Variants in KCNJ15 observed in about 807,000 individuals in gnomAD.
KCNJ15 encodes the protein ATP-sensitive inward rectifier potassium channel 15.
KCNJ15 carries 14 observed loss-of-function variants against 23.0 expected under a neutral mutation model. The ratio of observed to expected loss-of-function variants is 0.61; its 90% CI spans 0.40 to 0.95. KCNJ15 has a LOEUF of 0.95. Among genes scored for constraint, KCNJ15 ranks in the 40% least tolerant of loss-of-function variants. The pLI is 0.00. For synonymous variants in KCNJ15, 185 were observed against 183.2 expected (o/e 1.01, Z -0.08); for missense variants, 388 against 461.8 (o/e 0.84, Z 1.46).
At chr21:38,235,278 G>A (rs1232837463) in intron 1 of KCNJ15, among the ~76,000 whole-genome samples, 1 of 151,850 alleles carries the variant, frequency 6.6e-6, no homozygotes, top group South Asian at 2.1e-4. Context: ...CTGGGACTGG[G>A]CATGGTGGCT....
intron 1 of KCNJ15, among the ~76,000 whole-genome samples, chr21:38,273,212 G>A (rs139513391): frequency 0.012 from 1,884 of 152,274 alleles, 21 homozygotes; most frequent in Non-Finnish European, 0.019. Context: ...TGAAACAACA[G>A]TAGCTAGCTA....
At chr21:38,264,399 G>A (rs1252284482) in intron 1 of KCNJ15, among the ~76,000 whole-genome samples, 2 of 152,174 alleles carry the variant, frequency 1.3e-5, no homozygotes, top group African/African-American at 2.4e-5. Flanking sequence ...GAGATAGCTG[G>A]TTCGCCCTGC....
chr21:38,235,635 G>A (rs1157690332), intron 1 of KCNJ15, among the ~76,000 whole-genome samples: 3 of 152,162 alleles, frequency 2.0e-5, no homozygotes, highest in South Asian at 2.1e-4. Flanking sequence ...AGATACCCTC[G>A]ATTGCTACCA....
intron 1 of KCNJ15, among the ~76,000 whole-genome samples, chr21:38,239,210 T>C (rs1978824939): frequency 6.6e-6 from 1 of 152,226 alleles, no homozygotes. Context: ...CTCTAAGGAT[T>C]CAACCAGAAA....
At chr21:38,263,827 AT>A (rs948524772) in intron 1 of KCNJ15, among the ~76,000 whole-genome samples, 150 of 151,716 alleles carry the variant, frequency 9.9e-4, no homozygotes, top group African/African-American at 3.4e-3. Flanking sequence ...GCCCCAAAGA[AT>A]TTTTTTTTAC....
intron 1 of KCNJ15, among the ~76,000 whole-genome samples, chr21:38,233,803 C>T (rs1978425776): frequency 1.3e-5 from 2 of 152,016 alleles, no homozygotes; most frequent in Non-Finnish European, 2.9e-5. Flanking sequence ...AGACACTTTA[C>T]TCTTACATAG....
intron 1 of KCNJ15, chr21:38,237,344 T>C (rs1242170364): frequency 6.6e-6 from 1 of 152,124 alleles, no homozygotes; most frequent in East Asian, 1.9e-4. Context: ...TGCACAGGGG[T>C]AGAGGCTTGT....
At chr21:38,257,461 G>T (rs1027861743) in intron 1 of KCNJ15, among the ~76,000 whole-genome samples, 1 of 152,188 alleles carries the variant, frequency 6.6e-6, no homozygotes, top group East Asian at 1.9e-4. Context: ...GTGTACGGGG[G>T]TCTAGCTTGC....
At position 38,257,176 on chromosome 21, in the gene KCNJ15, G is replaced by C. The variant is rs1980336170; in HGVS notation, c.-126G>C. Reference sequence around the variant, plus strand: ...TCCAGCCAGGAGTCTGCACTCTTCAGTCTTTGCAGGTAAGAGGTACACGGC... The same window carrying C: ...TCCAGCCAGGAGTCTGCACTCTTCACTCTTTGCAGGTAAGAGGTACACGGC... On this transcript the variant is annotated 5_prime_UTR_variant, in exon 1 of 3. Coordinates refer to ENST00000398938, the MANE Select transcript of KCNJ15 (RefSeq NM_170736.3). The C allele has an allele frequency of 6.6e-6, 1 of 152,280 alleles. No individual in the cohort carries two copies. The highest frequency in any genetic ancestry group is 1.5e-5 in the Non-Finnish European group (1 of 68,038). 9.4% of individuals were successfully genotyped at this position (152,280 alleles called of 1,614,324 possible).
At chr21:38,236,315 A>T (rs1482360492) in intron 1 of KCNJ15, among the ~76,000 whole-genome samples, 1 of 152,254 alleles carries the variant, frequency 6.6e-6, no homozygotes, top group Non-Finnish European at 1.5e-5. Context: ...AGCTTTGGAC[A>T]AATGAAATCA....
chr21:38,276,245 C>T (rs552413386), intron 1 of KCNJ15, among the ~76,000 whole-genome samples: 9 of 151,998 alleles, frequency 5.9e-5, no homozygotes, highest in East Asian at 3.9e-4. Context: ...TCAAAGACCA[C>T]AGTAGTATAA....
chr21:38,237,323 G>A (rs1391578220), intron 1 of KCNJ15: 5 of 152,260 alleles, frequency 3.3e-5, no homozygotes, highest in South Asian at 2.1e-4. Flanking sequence ...TGAGGCTGGG[G>A]TGAAGGCTTT....
At chr21:38,238,705 T>C (rs1978792186) in intron 1 of KCNJ15, 3 of 433,152 alleles carry the variant, frequency 6.9e-6, no homozygotes, top group Non-Finnish European at 8.8e-6. Context: ...GAATGTCCTC[T>C]GAAAGATTGT....
intron 1 of KCNJ15, among the ~76,000 whole-genome samples, chr21:38,271,731 G>A (rs539016744): frequency 6.6e-4 from 100 of 152,246 alleles, no homozygotes; most frequent in Non-Finnish European, 2.1e-4. Context: ...GCTGCCAGAC[G>A]TCGCCATCAT....
intron 1 of KCNJ15, among the ~76,000 whole-genome samples, chr21:38,288,634 A>G (rs2123700267): frequency 6.6e-6 from 1 of 152,356 alleles, no homozygotes; most frequent in East Asian, 1.9e-4. Context: ...AGTGCAAAAT[A>G]TTATAAATGT....
At chr21:38,262,132 G>A (rs539938072) in intron 1 of KCNJ15, among the ~76,000 whole-genome samples, 1 of 152,260 alleles carries the variant, frequency 6.6e-6, no homozygotes, top group East Asian at 1.9e-4. Flanking sequence ...TATTTCCTGA[G>A]TTATCCTTCA....
intron 1 of KCNJ15, among the ~76,000 whole-genome samples, chr21:38,292,540 ATAAT>A (rs565674782): frequency 6.1e-4 from 93 of 152,352 alleles, no homozygotes; most frequent in Non-Finnish European, 1.1e-3. Flanking sequence ...TAATCAAAAG[ATAAT>A]TAGTCACCTT....
At chr21:38,286,215 C>T (rs899387674) in intron 1 of KCNJ15, among the ~76,000 whole-genome samples, 6 of 152,112 alleles carry the variant, frequency 3.9e-5, no homozygotes, top group African/African-American at 7.2e-5. Flanking sequence ...TGCACTCCAG[C>T]CCAGGTGACA....
chr21:38,262,974 G>C (rs1981074307), intron 1 of KCNJ15, among the ~76,000 whole-genome samples: 1 of 152,128 alleles, frequency 6.6e-6, no homozygotes, highest in African/African-American at 2.4e-5. Context: ...TACCGTGCCT[G>C]GCCGACATTG....
Sources: allele counts gnomAD v4.1 joint callset (sites outside exome capture counted in the v4.1 genomes callset), GRCh38; gene constraint gnomAD v4.1.1; transcripts MANE v1.5; gene names NCBI Gene and HGNC (gene_info 2026-07-23, HGNC 2026-07-21).